TMEM132D: variants seen among roughly 807,000 people sequenced by gnomAD.
TMEM132D encodes the protein transmembrane protein 132D, also known as mature OL transmembrane protein.
Under a neutral mutation model 62.3 loss-of-function variants are expected in TMEM132D, and 21 were observed. The observed-to-expected ratio is 0.34, with a 90% CI of 0.24 to 0.49. The LOEUF (loss-of-function observed/expected upper bound fraction) is 0.49, where lower values mean the gene tolerates loss of function less well. TMEM132D is among the 20% of genes least tolerant of loss of function. The pLI is 0.99. For missense variants in TMEM132D, 1,346 were observed against 1,402.8 expected (o/e 0.96, Z 0.65); for synonymous variants, 621 against 575.6 (o/e 1.08, Z -1.13).
At chr12:129,541,893 T>A (rs1460112998) in intron 2 of TMEM132D, among the ~76,000 whole-genome samples, 1 of 152,104 alleles carries the variant, frequency 6.6e-6, no homozygotes, top group Non-Finnish European at 1.5e-5. Context: ...CTGAATAAAA[T>A]TTTACCCCTT....
rs369387446 is a variant in TMEM132D, at chr12:129,694,956, C to T, written c.968+4854G>A. ...CTGGGAGGCAGAGGTTGCAGTGAGC[C>T]GAGACCACGCCATTGCACTCCACCC... On this transcript the variant is annotated intron_variant, in intron 2 of 8. Transcript: ENST00000422113. Among the ~76,000 whole-genome samples the T allele has an allele frequency of 1.1e-4, 17 of 152,118 alleles. 1 individual carries two copies. Among genetic ancestry groups the T allele is most frequent in the South Asian group, 4.2e-4 (2 of 4,814 alleles).
intron 5 of TMEM132D, chr12:129,085,063 TCCTGCTCA>T: frequency 2.7e-6 from 1 of 371,486 alleles, no homozygotes; most frequent in Non-Finnish European, 4.8e-6. Flanking sequence ...GGGAGTTATG[TCCTGCTCA>T]CCCCGCTTCT....
At chr12:129,425,627 G>A (rs1872473203) in intron 3 of TMEM132D, among the ~76,000 whole-genome samples, 1 of 152,158 alleles carries the variant, frequency 6.6e-6, no homozygotes, top group African/African-American at 2.4e-5. Flanking sequence ...TTTCTGGAGT[G>A]GAATGTTGCT....
chr12:129,404,582 CT>C (rs1351492822), intron 3 of TMEM132D, among the ~76,000 whole-genome samples: 2 of 152,208 alleles, frequency 1.3e-5, no homozygotes, highest in Non-Finnish European at 2.9e-5. Context: ...CCAGCATCTG[CT>C]CCTGTGGAGG....
Position 129,074,344 on chromosome 12 carries a change from T to G in TMEM132D, c.2831A>C (p.Lys944Thr). The change falls in exon 9 of 9, where the codon AAA becomes ACA. Residue 944 changes from lysine (K) to threonine (T), a missense_variant. By Grantham distance (78) the Lys-to-Thr change is moderately conservative (BLOSUM62 -1). Coordinates refer to ENST00000422113, the MANE Select transcript of TMEM132D (RefSeq NM_133448.3). Reference sequence around the variant, plus strand: ...GAAGGGAACCTGTTTGTGTCTGTATTTTAATGCAAAGGTCACACAGTTTAT... The same window carrying G: ...GAAGGGAACCTGTTTGTGTCTGTATGTTAATGCAAAGGTCACACAGTTTAT... ...FLINCVTFAL[K>T]YRHKQVPFEE... 1.9e-6 allele frequency: 3 copies of G among 1,614,122 alleles called. No individual in the cohort carries two copies. The South Asian group carries it at 3.3e-5, about 18-fold the overall frequency.
At chr12:129,881,364 A>G (rs1455866795) in intron 1 of TMEM132D, among the ~76,000 whole-genome samples, 1 of 152,096 alleles carries the variant, frequency 6.6e-6, no homozygotes, top group African/African-American at 2.4e-5. Context: ...ATTGACATTT[A>G]CAGAGCACTC....
Position 129,386,149 on chromosome 12 carries a change from C to A in TMEM132D, c.1116-48332G>T, listed in dbSNP as rs377617402. Among the ~76,000 whole-genome samples the A allele has an allele frequency of 2.0e-4, 30 of 152,290 alleles. No individual in the cohort carries two copies. In the South Asian group the frequency reaches 5.8e-3, roughly 29 times the overall value. ...CTCATGTTAACATCAGGATATGTGA[C>A]ACTCTTTAATGGAACTGAGAACATT... On this transcript the variant is annotated intron_variant, in intron 3 of 8. Transcript: ENST00000422113.
intron 1 of TMEM132D, among the ~76,000 whole-genome samples, chr12:129,824,064 G>C (rs1872599738): frequency 1.3e-5 from 2 of 152,136 alleles, no homozygotes; most frequent in Non-Finnish European, 2.9e-5. Context: ...TTACAGGTGA[G>C]ACAGCTGAGG....
At chr12:129,804,476 G>A (rs1363493209) in intron 1 of TMEM132D, among the ~76,000 whole-genome samples, 5 of 150,216 alleles carry the variant, frequency 3.3e-5, no homozygotes, top group Non-Finnish European at 7.4e-5. Context: ...AAAGGCGTTT[G>A]ACAAAATTCA....
In TMEM132D at chr12:129,700,068, CCT is replaced by C. The variant is rs1565954063; in HGVS notation, c.708_709del (p.Asp238LeufsTer18). The stretch of plus-strand genomic sequence containing the variant: ...CCTCGCGTCTTCCCTGACGCAGTCC[CCT>C]CTCTCACCCCCTGGGTGCACGGTGT... On this transcript the variant is annotated frameshift_variant, in exon 2 of 9. Transcript: ENST00000422113. LOFTEE classifies it high-confidence loss of function. 1.2e-6 allele frequency: 2 copies of C among 1,613,766 alleles called. No individual in the cohort carries two copies. Among genetic ancestry groups the C allele is most frequent in the East Asian group, 2.2e-5 (1 of 44,838 alleles).
chr12:129,351,195 G>A (rs967554270), intron 3 of TMEM132D, among the ~76,000 whole-genome samples: 16 of 152,182 alleles, frequency 1.1e-4, no homozygotes, highest in Admixed American at 9.8e-4. Context: ...TGGACTGGAA[G>A]ATGTATGTGA....
chr12:129,424,681 C>A (rs1376742835), intron 3 of TMEM132D, among the ~76,000 whole-genome samples: 1 of 115,244 alleles, frequency 8.7e-6, no homozygotes, highest in African/African-American at 3.2e-5. Flanking sequence ...ACACTCCAGC[C>A]TGGGTGACAG....
intron 5 of TMEM132D, among the ~76,000 whole-genome samples, chr12:129,132,146 G>A (rs547445987): frequency 6.6e-6 from 1 of 152,202 alleles, no homozygotes; most frequent in East Asian, 1.9e-4. Flanking sequence ...GCAGTTGATT[G>A]CTCTAGACAT....
intron 3 of TMEM132D, among the ~76,000 whole-genome samples, chr12:129,435,127 T>C (rs1005166387): frequency 3.9e-5 from 6 of 152,212 alleles, no homozygotes; most frequent in Admixed American, 3.3e-4. Flanking sequence ...GGTTTTTCCA[T>C]GTTGCAAAAG....
At chr12:129,148,026 C>T (rs1371140687) in intron 5 of TMEM132D, among the ~76,000 whole-genome samples, 1 of 152,192 alleles carries the variant, frequency 6.6e-6, no homozygotes, top group Non-Finnish European at 1.5e-5. Flanking sequence ...TTCCTTCCTT[C>T]TCCCAGGTAG....
intron 5 of TMEM132D, among the ~76,000 whole-genome samples, chr12:129,162,239 C>A (rs889493522): frequency 3.3e-5 from 5 of 152,144 alleles, no homozygotes; most frequent in African/African-American, 1.2e-4. Context: ...TGAGAGCTTG[C>A]ATGCTCCATG....
chr12:129,744,881 C>T (rs982176146), intron 1 of TMEM132D, among the ~76,000 whole-genome samples: 1 of 152,154 alleles, frequency 6.6e-6, no homozygotes, highest in Non-Finnish European at 1.5e-5. Flanking sequence ...CAAATCTCAT[C>T]TTGAATTACA....
At chr12:129,752,467 A>G (rs565146185) in intron 1 of TMEM132D, among the ~76,000 whole-genome samples, 2 of 152,362 alleles carry the variant, frequency 1.3e-5, no homozygotes, top group East Asian at 3.9e-4. Context: ...AGTGTAGAAT[A>G]AGTCATAAGA....
In TMEM132D at chr12:129,525,318, T is replaced by A. The variant is rs530677728; in HGVS notation, c.1115+5741A>T. Among the ~76,000 whole-genome samples, 12 of 145,834 alleles carry A rather than the reference T, an allele frequency of 8.2e-5. No homozygotes were observed. In the South Asian group the frequency reaches 2.7e-3, roughly 33 times the overall value. On this transcript the variant is annotated intron_variant, in intron 3 of 8. Transcript: ENST00000422113. ...GAAAACAACATCTTGGTCTGTTGTA[T>A]CCCTAATGCAGAAGTTATTAAAACA...
Sources: gnomAD v4.1 joint callset for allele counts (sites outside exome capture counted in the v4.1 genomes callset) on GRCh38, gnomAD v4.1.1 for gene constraint, MANE v1.5 for transcripts, NCBI Gene and HGNC (gene_info 2026-07-23, HGNC 2026-07-21) for gene names.